The following SLC10A1 variants were observed in gnomAD, a reference collection of about 807,000 sequenced individuals.
SLC10A1 encodes solute carrier family 10 member 1.
In SLC10A1, 36 loss-of-function variants were observed where a neutral mutation model predicts 20.5. The ratio of observed to expected loss-of-function variants is 1.75; its 90% confidence interval spans 1.34 to 2.32. SLC10A1 has a LOEUF of 2.32. Among genes scored for constraint, SLC10A1 ranks in the 30% most tolerant of loss-of-function variants. SLC10A1 has a pLI of 0.00. For synonymous variants in SLC10A1, 188 were observed against 163.6 expected (o/e 1.15, Z -1.14); for missense variants, 545 against 439.1 (o/e 1.24, Z -2.16).
At position 69,786,142 on chromosome 14, in the gene SLC10A1, G is replaced by A. The variant is rs1220272390; in HGVS notation, c.522C>T (p.Ile174=). 3.7e-5 allele frequency: 59 copies of A among 1,613,960 alleles called. No homozygotes were observed. Among genetic ancestry groups the A allele is most frequent in the Non-Finnish European group, 4.2e-5 (50 of 1,180,030 alleles). The part of the protein sequence containing the change: ...VLVLIPCTIG[I]VLKSKRPQYM... ...ATTGTGGCCGTTTGGATTTGAGGACGATCCCTATGGTGCAAGGAATGAGAA... is the reference window on the plus strand; with the variant it reads ...ATTGTGGCCGTTTGGATTTGAGGACAATCCCTATGGTGCAAGGAATGAGAA... Residue 174 remains isoleucine, a synonymous_variant, in exon 2 of 5, where the codon ATC becomes ATT. Transcript: ENST00000216540.
At position 69,797,184 on chromosome 14, in the gene SLC10A1, C is replaced by A; in HGVS notation, c.-29G>T. 6.4e-7 allele frequency: 1 copy of A among 1,568,492 alleles called. No homozygotes were observed. Among genetic ancestry groups the A allele is most frequent in the Non-Finnish European group, 8.7e-7 (1 of 1,151,350 alleles). ...CCTGTGAGGCAGTGGAAGACCACTC[C>A]TTGTTCTCCGGCTGACTCCGTTTCT... On this transcript the variant is annotated 5_prime_UTR_variant, in exon 1 of 5. It adds an upstream start codon to the 5' untranslated region. Transcript: ENST00000216540.
chr14:69,785,884 T>TAA (rs750243821), intron 2 of SLC10A1, among the ~76,000 whole-genome samples: 2 of 151,902 alleles, frequency 1.3e-5, no homozygotes, highest in Non-Finnish European at 2.9e-5. Flanking sequence ...GTTGGGATTA[T>TAA]AAGCGTGAGC....
chr14:69,783,291 CTT>C (rs1883639984), intron 2 of SLC10A1, among the ~76,000 whole-genome samples: 2 of 127,548 alleles, frequency 1.6e-5, no homozygotes, highest in African/African-American at 1.0e-4. Flanking sequence ...GCCTTATGGT[CTT>C]GCTTCTTGAT....
chr14:69,782,056 G>A (rs1883604663), intron 2 of SLC10A1, among the ~76,000 whole-genome samples: 1 of 152,182 alleles, frequency 6.6e-6, no homozygotes, highest in African/African-American at 2.4e-5. Context: ...GATGAGCATA[G>A]TCCTCGAAGA....
chr14:69,787,383 C>G (rs989625607), intron 1 of SLC10A1, among the ~76,000 whole-genome samples: 3 of 152,176 alleles, frequency 2.0e-5, no homozygotes, highest in Admixed American at 2.0e-4. Context: ...TTTACATTAA[C>G]AATATATGGC....
chr14:69,793,756 A>T (rs980952413), intron 1 of SLC10A1, among the ~76,000 whole-genome samples: 2 of 152,120 alleles, frequency 1.3e-5, no homozygotes, highest in African/African-American at 4.8e-5. Context: ...GAGCAGATGA[A>T]CTTGGGGCAG....
At chr14:69,791,089 C>G (rs1056406248) in intron 1 of SLC10A1, among the ~76,000 whole-genome samples, 1 of 151,644 alleles carries the variant, frequency 6.6e-6, no homozygotes, top group Non-Finnish European at 1.5e-5. Context: ...AATTACAAAC[C>G]TTTATAGAAA....
chr14:69,784,843 A>AG (rs998097334), intron 2 of SLC10A1, among the ~76,000 whole-genome samples: 8 of 152,070 alleles, frequency 5.3e-5, no homozygotes, highest in African/African-American at 1.9e-4. Flanking sequence ...CACAGAAAGG[A>AG]GGAGGGATGA....
rs1883427630 is a variant in SLC10A1, at chr14:69,775,577, T to C, written c.*705A>G. 6.6e-6 allele frequency: 1 copy of C among 152,200 alleles called. No individual in the cohort carries two copies. Among genetic ancestry groups the C allele is most frequent in the South Asian group, 2.1e-4 (1 of 4,836 alleles). The allele number at this position is 152,200 out of a possible 1,614,324, so 9.4% of individuals were successfully genotyped here. On this transcript the variant is annotated 3_prime_UTR_variant, in exon 5 of 5. Coordinates refer to ENST00000216540, the MANE Select transcript of SLC10A1 (RefSeq NM_003049.4). ...TGTTAAAACCAAATACCTACTGAAC[T>C]TAAAAAAGAGATTATTAGTGAGGTA...
At position 69,779,333 on chromosome 14, in the gene SLC10A1, T is replaced by C. The variant is rs746174545; in HGVS notation, c.595A>G (p.Ser199Gly). ...KGGMIIILLCSVAVTVLSAIN... is the reference protein window; with the variant it reads ...KGGMIIILLCGVAVTVLSAIN... ...GCAGAGAGAACTGTGACGGCCACAC[T>C]GCACAAGAGAATGATGATCATCCCT... is the stretch of plus-strand genomic sequence containing the variant. The change falls in exon 3 of 5, where the codon AGT becomes GGT. Residue 199 changes from serine to glycine, a missense_variant. Physicochemically the swap from Ser to Gly is moderately conservative, Grantham distance 56. Transcript: ENST00000216540. The C allele has an allele frequency of 6.8e-6, 11 of 1,613,176 alleles. No homozygotes were observed. Among genetic ancestry groups the C allele is most frequent in the Non-Finnish European group, 9.3e-6 (11 of 1,179,530 alleles).
At chr14:69,783,763 G>T (rs963736988) in intron 2 of SLC10A1, among the ~76,000 whole-genome samples, 2 of 152,164 alleles carry the variant, frequency 1.3e-5, no homozygotes, top group African/African-American at 4.8e-5. Context: ...CATTTGAGTT[G>T]TCTAGTGAGA....
At chr14:69,779,384 C>T (rs1883535904) in intron 2 of SLC10A1, 24 bp from the exon 3 acceptor site, 3 of 1,589,094 alleles carry the variant, frequency 1.9e-6, no homozygotes, top group Non-Finnish European at 2.6e-6. Flanking sequence ...CAAGAAAAGG[C>T]AATTAGAAGA....
intron 1 of SLC10A1, among the ~76,000 whole-genome samples, chr14:69,793,808 T>A (rs1364147641): frequency 2.6e-5 from 4 of 152,172 alleles, no homozygotes; most frequent in African/African-American, 9.7e-5. Context: ...GGCATAGCAC[T>A]CTCTTCTCTG....
chr14:69,790,954 T>C (rs116543782), intron 1 of SLC10A1, among the ~76,000 whole-genome samples: 2,576 of 152,164 alleles, frequency 0.017, 60 homozygotes, highest in African/African-American at 0.058. Flanking sequence ...CATCAGTCAG[T>C]CAATCAATTG....
chr14:69,780,613 C>T (rs900012608), intron 2 of SLC10A1, among the ~76,000 whole-genome samples: 3 of 152,208 alleles, frequency 2.0e-5, no homozygotes, highest in Non-Finnish European at 4.4e-5. Flanking sequence ...GCTCAAATTT[C>T]AGCTGCACAG....
intron 3 of SLC10A1, among the ~76,000 whole-genome samples, chr14:69,778,778 A>G (rs1359290071): frequency 6.6e-6 from 1 of 152,188 alleles, no homozygotes; most frequent in African/African-American, 2.4e-5. Flanking sequence ...TTGCCAGGAA[A>G]GTGTCTTGCC....
intron 1 of SLC10A1, among the ~76,000 whole-genome samples, chr14:69,786,827 A>G (rs1566637322): frequency 1.3e-5 from 2 of 152,260 alleles, no homozygotes; most frequent in Admixed American, 6.5e-5. Flanking sequence ...AATTAGCTAT[A>G]TCAGCACATT....
At chr14:69,780,272 C>G (rs535781634) in intron 2 of SLC10A1, among the ~76,000 whole-genome samples, 1 of 152,340 alleles carries the variant, frequency 6.6e-6, no homozygotes, top group African/African-American at 2.4e-5. Flanking sequence ...CATGTGCACT[C>G]CATGCACTTT....
In SLC10A1 at chr14:69,785,758, C is replaced by T. The variant is rs558209249; in HGVS notation, c.567+339G>A. Among the ~76,000 whole-genome samples the T allele has an allele frequency of 8.2e-5, 12 of 145,836 alleles. No individual in the cohort carries two copies. In the South Asian group the frequency reaches 1.3e-3, roughly 16 times the overall value. On this transcript the variant is annotated intron_variant, in intron 2 of 4. Transcript: ENST00000216540. ...GATTGCAGGCACTCGCTACCATGCC[C>T]GGCTAATTTTTTTTTTTTTTTTGTA...
Sources: allele counts gnomAD v4.1 joint callset (sites outside exome capture counted in the v4.1 genomes callset), GRCh38; gene constraint gnomAD v4.1.1; transcripts MANE v1.5; gene names NCBI Gene and HGNC (gene_info 2026-07-23, HGNC 2026-07-21).